FBXO4: variants seen among roughly 807,000 people sequenced by gnomAD.
The protein encoded by FBXO4 is F-box only protein 4.
In FBXO4, 36 loss-of-function variants were observed where a neutral mutation model predicts 43.7. The observed-to-expected ratio is 0.82, with a 90% confidence interval of 0.63 to 1.09. The LOEUF (loss-of-function observed/expected upper bound fraction) is 1.09. Ranked by LOEUF, FBXO4 falls within the 50% of genes least tolerant of loss-of-function variation. The probability of loss-of-function intolerance (pLI) is 0.00; values close to 1 mark genes in which losing one functional copy is unlikely to be tolerated. For missense variants in FBXO4, 435 were observed against 474.1 expected (o/e 0.92, Z 0.77); for synonymous variants, 180 against 165.6 (o/e 1.09, Z -0.67).
intron 3 of FBXO4, among the ~76,000 whole-genome samples, chr5:41,931,658 G>C (rs1751690998): frequency 6.6e-6 from 1 of 152,210 alleles, no homozygotes; most frequent in Admixed American, 6.5e-5. Flanking sequence ...TGACTTGATG[G>C]ATTACTGTAT....
chr5:41,969,100 C>T, the FBXO4 span, among the ~76,000 whole-genome samples: 1 of 152,148 alleles, frequency 6.6e-6, no homozygotes, highest in African/African-American at 2.4e-5. Context: ...TTTTTATACT[C>T]TACAGTTGTC....
At chr5:41,958,007 G>T in the FBXO4 span, among the ~76,000 whole-genome samples, 2 of 151,918 alleles carry the variant, frequency 1.3e-5, no homozygotes, top group African/African-American at 4.8e-5. Flanking sequence ...TGCTTATGGG[G>T]CACAATAAGA....
chr5:41,967,332 G>T, the FBXO4 span: 1 of 450,350 alleles, frequency 2.2e-6, no homozygotes. Context: ...AACCAACTTA[G>T]GTTTAGCAGT....
the FBXO4 span, among the ~76,000 whole-genome samples, chr5:42,020,085 A>C: frequency 6.6e-6 from 1 of 152,174 alleles, no homozygotes; most frequent in Non-Finnish European, 1.5e-5. Flanking sequence ...TTGTGGGATT[A>C]GGAAATAGTG....
the FBXO4 span, among the ~76,000 whole-genome samples, chr5:41,982,071 A>G: frequency 6.6e-6 from 1 of 152,120 alleles, no homozygotes; most frequent in Non-Finnish European, 1.5e-5. Context: ...CCTACAAAGG[A>G]CATGAGCTCA....
the FBXO4 span, among the ~76,000 whole-genome samples, chr5:42,033,008 G>C: frequency 6.6e-6 from 1 of 152,134 alleles, no homozygotes. Flanking sequence ...TTCTGGCCTA[G>C]GTTGTGCTAA....
chr5:42,007,864 C>T, the FBXO4 span, among the ~76,000 whole-genome samples: 5 of 152,026 alleles, frequency 3.3e-5, no homozygotes, highest in South Asian at 2.1e-4. Context: ...AGGGGCTGCT[C>T]CCTAGTTAGT....
chr5:42,027,916 G>A, the FBXO4 span, among the ~76,000 whole-genome samples: 1 of 151,820 alleles, frequency 6.6e-6, no homozygotes, highest in Non-Finnish European at 1.5e-5. Flanking sequence ...ATTTCAATAT[G>A]TTCAGTGTTT....
the FBXO4 span, among the ~76,000 whole-genome samples, chr5:42,036,509 T>C: frequency 1.3e-5 from 2 of 152,160 alleles, no homozygotes; most frequent in African/African-American, 2.4e-5. Flanking sequence ...CTTAGATAAA[T>C]GTATTTACCT....
chr5:41,962,047 T>C, the FBXO4 span, among the ~76,000 whole-genome samples: 2 of 152,204 alleles, frequency 1.3e-5, no homozygotes, highest in Non-Finnish European at 2.9e-5. Flanking sequence ...GACTCTTTAG[T>C]GGGCCTTTCA....
At chr5:42,015,339 C>A in the FBXO4 span, among the ~76,000 whole-genome samples, 1 of 152,114 alleles carries the variant, frequency 6.6e-6, no homozygotes, top group Non-Finnish European at 1.5e-5. Context: ...ATTACTTTTC[C>A]TTTAGGAGAC....
chr5:41,935,895 T>C (rs1295442699), intron 5 of FBXO4, among the ~76,000 whole-genome samples: 1 of 152,212 alleles, frequency 6.6e-6, no homozygotes, highest in African/African-American at 2.4e-5. Flanking sequence ...ACTCTGGTAC[T>C]CCAGTGCTGT....
At chr5:41,955,931 C>A in the FBXO4 span, among the ~76,000 whole-genome samples, 2 of 152,286 alleles carry the variant, frequency 1.3e-5, no homozygotes, top group African/African-American at 4.8e-5. Context: ...TACTGCTCTG[C>A]TTCTTCCTAG....
chr5:41,925,512 G>A lies in FBXO4; in HGVS notation c.189+14G>A. On this transcript the variant is annotated intron_variant, in intron 1 of 6. Coordinates refer to ENST00000281623, the MANE Select transcript of FBXO4 (RefSeq NM_012176.3). Reference sequence around the variant, plus strand: ...ACGCGGCTGCCGGTGAGCGTCGGCCGCAGGCCGCGGAGGACAGTGGGGCCG... The same window carrying A: ...ACGCGGCTGCCGGTGAGCGTCGGCCACAGGCCGCGGAGGACAGTGGGGCCG... 2 of 1,307,216 alleles carry A rather than the reference G, an allele frequency of 1.5e-6. No homozygotes were observed. The highest frequency in any genetic ancestry group is 2.2e-5 in the South Asian group (1 of 44,778). 81.0% of individuals were successfully genotyped at this position (1,307,216 alleles called of 1,614,324 possible). A position where few individuals can be genotyped will look rare whatever the true frequency, so the allele number is the denominator to read the frequency against.
At chr5:42,032,013 C>T in the FBXO4 span, among the ~76,000 whole-genome samples, 12 of 151,934 alleles carry the variant, frequency 7.9e-5, 1 homozygote, top group African/African-American at 2.9e-4. Flanking sequence ...CTTACTTTCT[C>T]CCAAACAGCT....
chr5:42,007,105 T>TCTTTCCC, the FBXO4 span, among the ~76,000 whole-genome samples: 1 of 151,300 alleles, frequency 6.6e-6, no homozygotes, highest in South Asian at 2.1e-4. Flanking sequence ...GATGTGATCT[T>TCTTTCCC]ATTTGGAAAT....
chr5:41,939,178 C>G (rs930403782), intron 5 of FBXO4: 2 of 292,744 alleles, frequency 6.8e-6, no homozygotes, highest in Non-Finnish European at 1.3e-5. Flanking sequence ...AAGCTAAACT[C>G]TACTATATGC....
the FBXO4 span, among the ~76,000 whole-genome samples, chr5:42,001,420 C>T: frequency 5.9e-5 from 9 of 152,098 alleles, no homozygotes; most frequent in African/African-American, 1.7e-4. Context: ...TTAGTAGAGA[C>T]GGGGTTTCGC....
At chr5:42,038,281 A>G in the FBXO4 span, among the ~76,000 whole-genome samples, 2 of 152,048 alleles carry the variant, frequency 1.3e-5, no homozygotes, top group Non-Finnish European at 2.9e-5. Flanking sequence ...TAAAGTGGAA[A>G]AGCAGTTATG....
Sources: gnomAD v4.1 joint callset for allele counts (sites outside exome capture counted in the v4.1 genomes callset) on GRCh38, gnomAD v4.1.1 for gene constraint, MANE v1.5 for transcripts, NCBI Gene and HGNC (gene_info 2026-07-23, HGNC 2026-07-21) for gene names.